The following KCNS3 variants were observed in gnomAD, a reference collection of about 807,000 sequenced individuals.
KCNS3 encodes the protein delayed-rectifier potassium channel regulatory subunit KCNS3.
Under a neutral mutation model 31.0 loss-of-function variants are expected in KCNS3, and 13 were observed. The observed-to-expected ratio is 0.42, with a 90% CI of 0.27 to 0.67. The LOEUF (loss-of-function observed/expected upper bound fraction) is 0.67. KCNS3 is among the 30% of genes least tolerant of loss of function. The pLI, the probability that KCNS3 is intolerant of heterozygous loss-of-function variation, is 0.25. For synonymous variants in KCNS3, 238 were observed against 241.5 expected (o/e 0.99, Z 0.13); for missense variants, 545 against 622.4 (o/e 0.88, Z 1.32).
At chr2:17,927,292 T>C (rs1428059021) in intron 2 of KCNS3, among the ~76,000 whole-genome samples, 1 of 152,206 alleles carries the variant, frequency 6.6e-6, no homozygotes, top group Non-Finnish European at 1.5e-5. Context: ...TCAACAAGTC[T>C]CTGGGAAGTT....
rs751723451 is a variant in KCNS3 at position 17,931,771 on chromosome 2, C to T, written c.763C>T (p.Leu255=). 3.7e-6 allele frequency: 6 copies of T among 1,613,982 alleles called. No individual in the cohort carries two copies. Among genetic ancestry groups the T allele is most frequent in the Non-Finnish European group, 5.1e-6 (6 of 1,179,964 alleles). The change falls in exon 3 of 3, where the codon CTG becomes TTG. Residue 255 remains leucine (L), a synonymous_variant. Transcript: ENST00000304101. The surrounding 1 kb of genome is among the most constrained non-coding windows in gnomAD (Gnocchi z 5.4). ...PCQKKFWKNP[L]NIIDFVSIIP... is the part of the protein sequence containing the mutation. ...TCAAAAGAAATTCTGGAAAAACCCT[C>T]TGAACATCATTGACTTTGTCTCTAT...
chr2:17,931,868 A>G lies in KCNS3; in HGVS notation c.860A>G (p.Lys287Arg). The stretch of plus-strand genomic sequence containing the variant: ...AGTGAGGATATTGAGAACATGGGCA[A>G]GGTGGTCCAGATCCTACGGCTTATG... ...EESEDIENMG[K>R]VVQILRLMRI... Residue 287 changes from lysine to arginine, a missense_variant, in exon 3 of 3, where the codon AAG (lysine) becomes AGG (arginine). By Grantham distance (26) the Lys-to-Arg change is conservative. Transcript: ENST00000304101. The surrounding 1 kb of genome is among the most constrained non-coding windows in gnomAD (Gnocchi z 5.4). 1 of 1,614,174 alleles carries G rather than the reference A, an allele frequency of 6.2e-7. No individual in the cohort carries two copies. The highest frequency in any genetic ancestry group is 8.5e-7 in the Non-Finnish European group (1 of 1,180,016).
intron 1 of KCNS3, among the ~76,000 whole-genome samples, chr2:17,884,719 G>A (rs367968097): frequency 9.2e-5 from 14 of 152,252 alleles, no homozygotes; most frequent in South Asian, 6.2e-4. Context: ...AGTCCAGCTC[G>A]TTGGTAAATT....
rs553193506 is a variant in KCNS3 at position 17,886,697 on chromosome 2, C to CATCT, written c.-252+7894_-252+7895insTATC. On this transcript the variant is annotated intron_variant, in intron 1 of 2. Transcript: ENST00000304101. ...CCATCCGTCCGTCCATCCATCCATC[C>CATCT]ATCCATCCATCCATCCATCCCATTC... Among the ~76,000 whole-genome samples the CATCT allele has an allele frequency of 6.6e-3, 1,006 of 151,426 alleles. 14 individuals carry two copies. The highest frequency in any genetic ancestry group is 0.023 in the African/African-American group (955 of 41,312).
intron 1 of KCNS3, among the ~76,000 whole-genome samples, chr2:17,892,103 T>C (rs11695812): frequency 0.2 from 29,956 of 152,086 alleles, 3,803 homozygotes; most frequent in Non-Finnish European, 0.29. Context: ...CCATACTTCT[T>C]AGAGGCTTTG....
chr2:17,926,698 G>A (rs1662845488), intron 2 of KCNS3, among the ~76,000 whole-genome samples: 1 of 152,194 alleles, frequency 6.6e-6, no homozygotes. Flanking sequence ...GTGCCATGTT[G>A]CAAGGCTGCA....
intron 1 of KCNS3, among the ~76,000 whole-genome samples, chr2:17,915,114 CA>C (rs1180880377): frequency 6.6e-6 from 1 of 152,110 alleles, no homozygotes; most frequent in East Asian, 1.9e-4. Flanking sequence ...GTCAACCCAC[CA>C]GGAAATGCAG....
At chr2:17,903,397 G>A (rs553210556) in intron 1 of KCNS3, among the ~76,000 whole-genome samples, 20 of 151,812 alleles carry the variant, frequency 1.3e-4, no homozygotes, top group African/African-American at 4.6e-4. Context: ...TAAATGCTGT[G>A]GATTAAAAAT....
At chr2:17,925,604 G>A (rs1203966683) in intron 2 of KCNS3, among the ~76,000 whole-genome samples, 3 of 152,184 alleles carry the variant, frequency 2.0e-5, no homozygotes, top group Non-Finnish European at 4.4e-5. Flanking sequence ...GCAGGCAAGA[G>A]AGAGTGGCGA....
intron 1 of KCNS3, among the ~76,000 whole-genome samples, chr2:17,899,390 A>AT (rs1572485855): frequency 6.6e-6 from 1 of 151,426 alleles, no homozygotes; most frequent in East Asian, 1.9e-4. Context: ...TTATTATATT[A>AT]TTATTATATT....
Position 17,932,549 on chromosome 2 carries a change from C to T in KCNS3, c.*65C>T. 2.0e-6 allele frequency: 3 copies of T among 1,497,854 alleles called. No individual in the cohort carries two copies. The highest frequency in any genetic ancestry group is 2.7e-5 in the South Asian group (2 of 74,156). The allele number at this position is 1,497,854 out of a possible 1,614,324, so 92.8% of individuals were successfully genotyped here. A position where few individuals can be genotyped will look rare whatever the true frequency, so the allele number is the denominator to read the frequency against. On this transcript the variant is annotated 3_prime_UTR_variant, in exon 3 of 3. Transcript: ENST00000304101. ...CATTAGGTTAACACAGCTTTATAAA[C>T]CTCAGTGGGTTCGTTAAAATCATTT...
intron 1 of KCNS3, among the ~76,000 whole-genome samples, chr2:17,907,817 G>C (rs1662372518): frequency 6.6e-6 from 1 of 152,218 alleles, no homozygotes; most frequent in African/African-American, 2.4e-5. Context: ...TAGAGTTTCT[G>C]CTAAGAGATC....
intron 1 of KCNS3, among the ~76,000 whole-genome samples, chr2:17,913,872 TA>T (rs997966092): frequency 1.2e-4 from 19 of 152,152 alleles, no homozygotes; most frequent in Admixed American, 1.0e-3. Context: ...AGATGAAGGC[TA>T]GGGGTGCTGC....
At position 17,932,527 on chromosome 2, in the gene KCNS3, T is replaced by A. The variant is rs778016302; in HGVS notation, c.*43T>A. 2.6e-6 allele frequency: 4 copies of A among 1,562,394 alleles called. No individual in the cohort carries two copies. Among genetic ancestry groups the A allele is most frequent in the Admixed American group, 1.8e-5 (1 of 54,180 alleles). ...TGTTTCTCTTATCCTTTCCCGACAT[T>A]AGGTTAACACAGCTTTATAAACCTC... On this transcript the variant is annotated 3_prime_UTR_variant, in exon 3 of 3. Transcript: ENST00000304101.
intron 1 of KCNS3, among the ~76,000 whole-genome samples, chr2:17,904,077 G>A (rs947220151): frequency 1.3e-5 from 2 of 152,190 alleles, no homozygotes; most frequent in African/African-American, 4.8e-5. Flanking sequence ...CCCACCAACA[G>A]TGTAAAAGTG....
At chr2:17,881,247 G>T (rs1442450641) in intron 1 of KCNS3, among the ~76,000 whole-genome samples, 2 of 152,186 alleles carry the variant, frequency 1.3e-5, no homozygotes, top group Admixed American at 1.3e-4. Context: ...TGCAGGGTAT[G>T]TTGAAGCAGA....
chr2:17,904,799 G>A (rs1031563031), intron 1 of KCNS3, among the ~76,000 whole-genome samples: 2 of 152,138 alleles, frequency 1.3e-5, no homozygotes, highest in Non-Finnish European at 2.9e-5. Flanking sequence ...TGAGGGCTCT[G>A]TTCTGTTCCA....
chr2:17,932,447 G>C lies in KCNS3; in HGVS notation c.1439G>C (p.Cys480Ser). 1.2e-6 allele frequency: 2 copies of C among 1,613,622 alleles called. No homozygotes were observed. The highest frequency in any genetic ancestry group is 1.1e-5 in the South Asian group (1 of 90,940). ...ASSIEDNEDI[C>S]NTTSLENCTA... ...AGCATTGAAGACAATGAGGACATTT[G>C]TAACACCACCTCCTTGGAGAATTGC... is the stretch of plus-strand genomic sequence containing the variant. Residue 480 changes from cysteine to serine, a missense_variant, in exon 3 of 3, where the codon TGT (cysteine) becomes TCT (serine). Transcript: ENST00000304101.
intron 1 of KCNS3, among the ~76,000 whole-genome samples, chr2:17,900,538 G>A (rs1278535479): frequency 6.6e-6 from 1 of 152,124 alleles, no homozygotes; most frequent in Non-Finnish European, 1.5e-5. Context: ...CGCCCAGGCT[G>A]GAGTGCAGTG....
Sources: gnomAD v4.1 joint callset for allele counts (sites outside exome capture counted in the v4.1 genomes callset) on GRCh38, gnomAD v4.1.1 for gene constraint, Gnocchi (gnomAD v3.1) non-coding constraint, MANE v1.5 for transcripts, NCBI Gene and HGNC (gene_info 2026-07-23, HGNC 2026-07-21) for gene names.